Variants in VPS53 observed in about 807,000 individuals in gnomAD.
VPS53 encodes the protein vacuolar protein sorting-associated protein 53 homolog.
Under a neutral mutation model 107.0 loss-of-function variants are expected in VPS53, and 70 were observed. That is an observed-to-expected ratio of 0.65 (90% CI 0.54 to 0.80). The LOEUF (loss-of-function observed/expected upper bound fraction) is 0.80, where lower values mean the gene tolerates loss of function less well. Among genes scored for constraint, VPS53 ranks in the 30% least tolerant of loss-of-function variants. The pLI is 0.00. For synonymous variants in VPS53, 409 were observed against 393.3 expected, an observed-to-expected ratio of 1.04 and a Z score of -0.47; for missense variants, 917 against 1,049.4, an observed-to-expected ratio of 0.87 and a Z score of 1.74.
At chr17:554,732 A>C (rs986643136) in intron 15 of VPS53, among the ~76,000 whole-genome samples, 23 of 152,210 alleles carry the variant, frequency 1.5e-4, no homozygotes, top group African/African-American at 5.5e-4. Context: ...CAGAATAACC[A>C]ATGTTTTGTC....
intron 11 of VPS53, among the ~76,000 whole-genome samples, chr17:617,203 C>T (rs1393130628): frequency 6.6e-6 from 1 of 152,194 alleles, no homozygotes; most frequent in Admixed American, 6.5e-5. Context: ...AATGCTGAAC[C>T]CTCATGCTTG....
At chr17:641,954 G>A (rs920777283) in intron 7 of VPS53, among the ~76,000 whole-genome samples, 1 of 152,154 alleles carries the variant, frequency 6.6e-6, no homozygotes, top group Non-Finnish European at 1.5e-5. Flanking sequence ...TCCATGCCAC[G>A]TGACTGCAGG....
At chr17:692,603 ATTT>A (rs1267433626) in intron 4 of VPS53, among the ~76,000 whole-genome samples, 1 of 152,244 alleles carries the variant, frequency 6.6e-6, no homozygotes, top group African/African-American at 2.4e-5. Flanking sequence ...CCCCCAAATA[ATTT>A]TTGAGTCAAA....
rs147161813 is a variant in VPS53 at position 657,814 on chromosome 17, A to G, written c.373-1861T>C. On this transcript the variant is annotated intron_variant, in intron 5 of 21. Coordinates refer to ENST00000437048, the MANE Select transcript of VPS53 (RefSeq NM_001128159.3). ...AGATACATCCTCATTAAAGTGAGAAACTCGGCCGTTGAGGTCGTGGATAGA... is the reference window on the plus strand; with the variant it reads ...AGATACATCCTCATTAAAGTGAGAAGCTCGGCCGTTGAGGTCGTGGATAGA... Among the ~76,000 whole-genome samples, 333 of 152,144 alleles carry G rather than the reference A, an allele frequency of 2.2e-3. 1 individual carries two copies. Among genetic ancestry groups the G allele is most frequent in the African/African-American group, 7.7e-3 (320 of 41,518 alleles).
At chr17:572,381 G>GC (rs1914225265) in intron 13 of VPS53, among the ~76,000 whole-genome samples, 3 of 133,572 alleles carry the variant, frequency 2.2e-5, no homozygotes, top group African/African-American at 3.0e-5. Flanking sequence ...GAGCGTCTCC[G>GC]CCGGGCAGCC....
intron 13 of VPS53, among the ~76,000 whole-genome samples, chr17:571,922 G>A (rs901877216): frequency 6.6e-6 from 1 of 152,188 alleles, no homozygotes; most frequent in Non-Finnish European, 1.5e-5. Flanking sequence ...GCCTGCCTTG[G>A]CCTCCCAAAG....
intron 17 of VPS53, among the ~76,000 whole-genome samples, chr17:540,937 G>T (rs1910587819): frequency 6.6e-6 from 1 of 152,178 alleles, no homozygotes; most frequent in Non-Finnish European, 1.5e-5. Flanking sequence ...CAGGAACTTT[G>T]ACCAGAGAAC....
At chr17:569,176 A>G (rs1712192332) in intron 13 of VPS53, among the ~76,000 whole-genome samples, 2 of 152,230 alleles carry the variant, frequency 1.3e-5, no homozygotes, top group African/African-American at 4.8e-5. Flanking sequence ...TGTAAAAAGG[A>G]TGAAGAGCCA....
chr17:582,539 G>C (rs1425645976), intron 13 of VPS53, among the ~76,000 whole-genome samples: 1 of 138,412 alleles, frequency 7.2e-6, no homozygotes, highest in Non-Finnish European at 1.6e-5. Context: ...CTCCACAGAA[G>C]CTCAATGCGT....
intron 4 of VPS53, chr17:674,275 G>A (rs1293085994): frequency 2.6e-5 from 4 of 152,184 alleles, no homozygotes; most frequent in Non-Finnish European, 5.9e-5. Flanking sequence ...CAAATAGCCA[G>A]GACTTCCAGT....
rs1450959105 is a variant in VPS53, at chr17:524,872, C to T, written c.2086-3134G>A. Among the ~76,000 whole-genome samples the T allele has an allele frequency of 1.3e-5, 2 of 152,190 alleles. No homozygotes were observed. Among genetic ancestry groups the T allele is most frequent in the African/African-American group, 4.8e-5 (2 of 41,440 alleles). ...TGGTGACAGTAGAAGTTAGTTCAAG[C>T]ACGTTGGGGGAAATTTAGCAACATT... On this transcript the variant is annotated intron_variant, in intron 19 of 21. Coordinates refer to ENST00000437048, the MANE Select transcript of VPS53 (RefSeq NM_001128159.3). This position sits in a 1 kb window ranked among gnomAD's most constrained non-coding sequence, Gnocchi z 4.5.
rs1187949018 is a variant in VPS53, at chr17:565,263, C to T, written c.1314-2518G>A. Reference sequence around the variant, plus strand: ...CTAAAAACACAAAAAATTAGCCAGGCGTGGTGGCGGGTGCCTGTAATCCCA... The same window carrying T: ...CTAAAAACACAAAAAATTAGCCAGGTGTGGTGGCGGGTGCCTGTAATCCCA... On this transcript the variant is annotated intron_variant, in intron 13 of 21. Transcript: ENST00000437048. 7.3e-5 allele frequency among the ~76,000 whole-genome samples: 11 copies of T among 151,552 alleles called. No individual in the cohort carries two copies. The East Asian group carries it at 1.6e-3, about 21-fold the overall frequency.
chr17:552,002 A>T lies in VPS53; in HGVS notation c.1788-52T>A, dbSNP rs576962422. The T allele has an allele frequency of 8.1e-4, 1,196 of 1,482,678 alleles. 15 individuals carry two copies. In the South Asian group the frequency reaches 0.014, roughly 18 times the overall value. The allele number at this position is 1,482,678 out of a possible 1,614,324, so 91.8% of individuals were successfully genotyped here. A position where few individuals can be genotyped will look rare whatever the true frequency, so the allele number is the denominator to read the frequency against. On this transcript the variant is annotated intron_variant, in intron 16 of 21. Transcript: ENST00000437048. The stretch of plus-strand genomic sequence containing the variant: ...CACCCTTTCAAACAACGGCCGTCTG[A>T]ATGACTGACACTCAGGCCCCTGTGT...
At chr17:544,265 G>A (rs1014328903) in intron 17 of VPS53, among the ~76,000 whole-genome samples, 2 of 152,146 alleles carry the variant, frequency 1.3e-5, no homozygotes, top group Non-Finnish European at 2.9e-5. Flanking sequence ...CACTCGTGTG[G>A]ACCCACCAGG....
In VPS53 at chr17:562,532, G is replaced by A; in HGVS notation, c.1527C>T (p.Ala509=). ...TIFQKYLREY[A]WKILSGNLPK... ...GCAGGTTGCCAGAGAGGATTTTCCA[G>A]GCGTATTCTCGGAGGTACTTCTGGA... is the stretch of plus-strand genomic sequence containing the variant. The change falls in exon 14 of 22, where the codon GCC becomes GCT. Residue 509 remains alanine (A), a synonymous_variant. Coordinates refer to ENST00000437048, the MANE Select transcript of VPS53 (RefSeq NM_001128159.3). The A allele has an allele frequency of 6.2e-7, 1 of 1,614,032 alleles. No individual in the cohort carries two copies. The highest frequency in any genetic ancestry group is 8.5e-7 in the Non-Finnish European group (1 of 1,180,004).
intron 2 of VPS53, among the ~76,000 whole-genome samples, chr17:704,544 C>A (rs1194492889): frequency 3.9e-5 from 6 of 152,206 alleles, no homozygotes; most frequent in Non-Finnish European, 5.9e-5. Flanking sequence ...CTACTTTCTA[C>A]TACCTTTTCA....
chr17:616,477 G>A (rs147640414), intron 11 of VPS53: 2 of 152,498 alleles, frequency 1.3e-5, no homozygotes, highest in African/African-American at 4.8e-5. Context: ...AACCAAAAAG[G>A]AAGGAGCTGG....
rs1971247782 is a variant in VPS53, at chr17:657,681, C to T, written c.373-1728G>A. ...GTGCCCTGGATACCAAACACAAATA[C>T]TGTAGTCACTGGATAGATACATCCC... On this transcript the variant is annotated intron_variant, in intron 5 of 21. Coordinates refer to ENST00000437048, the MANE Select transcript of VPS53 (RefSeq NM_001128159.3). 11 of 556,194 alleles carry T rather than the reference C, an allele frequency of 2.0e-5. No homozygotes were observed. The East Asian group carries it at 3.3e-4, about 17-fold the overall frequency. The allele number at this position is 556,194 out of a possible 1,614,324, so 34.5% of individuals were successfully genotyped here.
chr17:583,116 A>G (rs1403127943), intron 13 of VPS53, among the ~76,000 whole-genome samples: 2 of 147,828 alleles, frequency 1.4e-5, no homozygotes, highest in Non-Finnish European at 3.0e-5. Context: ...AACTTCCCTC[A>G]GGACCTCAAT....
Sources: allele counts gnomAD v4.1 joint callset (sites outside exome capture counted in the v4.1 genomes callset), GRCh38; gene constraint gnomAD v4.1.1; non-coding constraint Gnocchi (gnomAD v3.1); transcripts MANE v1.5; gene names NCBI Gene and HGNC (gene_info 2026-07-23, HGNC 2026-07-21).